ZFPM2: variants seen among roughly 807,000 people sequenced by gnomAD.
ZFPM2 encodes zinc finger protein, FOG family member 2, also known as zinc finger protein ZFPM2.
A neutral mutation model predicts 98.6 loss-of-function variants in ZFPM2; 20 were observed. That is an observed-to-expected ratio of 0.20 (90% confidence interval 0.14 to 0.29). ZFPM2 has a LOEUF of 0.29. Ranked by LOEUF, ZFPM2 falls within the 10% of genes least tolerant of loss-of-function variation. The pLI is 1.00. For missense variants in ZFPM2, 1,310 were observed against 1,388.6 expected (o/e 0.94, Z 0.90); for synonymous variants, 518 against 502.7 (o/e 1.03, Z -0.41).
chr8:105,435,685 A>G (rs974199322), intron 2 of ZFPM2, among the ~76,000 whole-genome samples: 3 of 152,198 alleles, frequency 2.0e-5, no homozygotes, highest in Admixed American at 2.0e-4. Context: ...ATGTTGGTCA[A>G]TAAAGTCAAT....
intron 1 of ZFPM2, among the ~76,000 whole-genome samples, chr8:105,357,591 A>C (rs1157038600): frequency 6.6e-6 from 1 of 152,208 alleles, no homozygotes; most frequent in Non-Finnish European, 1.5e-5. Flanking sequence ...TATATTTATA[A>C]CAAACTTTTT....
At chr8:105,630,306 A>T (rs1174558037) in intron 4 of ZFPM2, among the ~76,000 whole-genome samples, 1 of 152,080 alleles carries the variant, frequency 6.6e-6, no homozygotes, top group Non-Finnish European at 1.5e-5. Flanking sequence ...ATTTTTCTGG[A>T]GTGTAGATTT....
In ZFPM2 at chr8:105,528,671, G is replaced by A. The variant is rs1450147507; in HGVS notation, c.302-32692G>A. ...CAAGTATTCATGCAACATAGTTTGG[G>A]TAAATGGAATTCTAAAAGCATGAAA... On this transcript the variant is annotated intron_variant, in intron 3 of 7. Transcript: ENST00000407775. 2.0e-5 allele frequency among the ~76,000 whole-genome samples: 3 copies of A among 152,108 alleles called. No homozygotes were observed. In the East Asian group the frequency reaches 5.8e-4, roughly 29 times the overall value.
At chr8:105,412,265 T>C (rs1811591349) in intron 1 of ZFPM2, among the ~76,000 whole-genome samples, 1 of 151,818 alleles carries the variant, frequency 6.6e-6, no homozygotes, top group Non-Finnish European at 1.5e-5. Context: ...CCATTAAAAA[T>C]TCTCTAATAT....
chr8:105,352,872 C>A (rs924466957), intron 1 of ZFPM2, among the ~76,000 whole-genome samples: 10 of 152,040 alleles, frequency 6.6e-5, no homozygotes, highest in Non-Finnish European at 1.3e-4. Context: ...TACCAGCTAA[C>A]CTACCTACCT....
chr8:105,349,654 C>T (rs1033410502), intron 1 of ZFPM2, among the ~76,000 whole-genome samples: 44 of 152,074 alleles, frequency 2.9e-4, no homozygotes, highest in African/African-American at 9.9e-4. Flanking sequence ...TCATTGCATA[C>T]GTTGTGTAGC....
At chr8:105,676,657 G>C (rs1222000081) in intron 5 of ZFPM2, among the ~76,000 whole-genome samples, 1 of 151,724 alleles carries the variant, frequency 6.6e-6, no homozygotes, top group Non-Finnish European at 1.5e-5. Context: ...AAATATATAA[G>C]AGCAATATTT....
intron 3 of ZFPM2, among the ~76,000 whole-genome samples, chr8:105,495,612 T>G (rs1813451522): frequency 6.6e-6 from 1 of 152,216 alleles, no homozygotes; most frequent in Non-Finnish European, 1.5e-5. Flanking sequence ...ATTCTCTTCC[T>G]CCTTTTAAGG....
At chr8:105,762,411 C>T (rs779088198) in intron 5 of ZFPM2, among the ~76,000 whole-genome samples, 2 of 152,002 alleles carry the variant, frequency 1.3e-5, no homozygotes, top group African/African-American at 4.8e-5. Context: ...ATAAAGACAG[C>T]CACCAAGGGT....
chr8:105,506,157 C>A (rs755890903), intron 3 of ZFPM2, among the ~76,000 whole-genome samples: 2 of 152,052 alleles, frequency 1.3e-5, no homozygotes, highest in African/African-American at 2.4e-5. Flanking sequence ...TATTTTGGAG[C>A]AGCAAGCAGT....
intron 1 of ZFPM2, among the ~76,000 whole-genome samples, chr8:105,351,171 T>TG (rs1812635323): frequency 1.1e-4 from 12 of 112,244 alleles, no homozygotes; most frequent in South Asian, 6.0e-4. Context: ...AGACTCTGTC[T>TG]CAAAAAAAAA....
At chr8:105,425,324 A>C (rs1811886121) in intron 2 of ZFPM2, among the ~76,000 whole-genome samples, 1 of 152,210 alleles carries the variant, frequency 6.6e-6, no homozygotes, top group Non-Finnish European at 1.5e-5. Flanking sequence ...AAACTGAAAC[A>C]GGTAAAATGG....
At chr8:105,715,820 C>T (rs1811511075) in intron 5 of ZFPM2, among the ~76,000 whole-genome samples, 1 of 151,992 alleles carries the variant, frequency 6.6e-6, no homozygotes, top group South Asian at 2.1e-4. Flanking sequence ...ATTGTAGATT[C>T]TTGGACTTTG....
At chr8:105,569,354 T>C (rs575077654) in intron 4 of ZFPM2, among the ~76,000 whole-genome samples, 1 of 152,194 alleles carries the variant, frequency 6.6e-6, no homozygotes, top group Non-Finnish European at 1.5e-5. Flanking sequence ...CCCCTCCTTA[T>C]TCAAGACCCT....
intron 1 of ZFPM2, among the ~76,000 whole-genome samples, chr8:105,393,330 C>CTCTCTCTCTGTCTG (rs1554600660): frequency 7.5e-6 from 1 of 132,834 alleles, no homozygotes; most frequent in African/African-American, 3.1e-5. Context: ...CCCTCTCTCT[C>CTCTCTCTCTGTCTG]TCTTTGCCTT....
rs561669841 is a variant in ZFPM2, at chr8:105,771,130, A to G, written c.533-17588A>G. Among the ~76,000 whole-genome samples the G allele has an allele frequency of 3.3e-5, 5 of 152,284 alleles. No homozygotes were observed. The East Asian group carries it at 9.7e-4, about 29-fold the overall frequency. On this transcript the variant is annotated intron_variant, in intron 5 of 7. Coordinates refer to ENST00000407775, the MANE Select transcript of ZFPM2 (RefSeq NM_012082.4). ...TGTGAACTTTTTGATAATCTTTATG[A>G]CTGAATGTAAAATTATTCTCTGTCA...
chr8:105,520,734 T>C (rs533715306), intron 3 of ZFPM2, among the ~76,000 whole-genome samples: 2 of 152,100 alleles, frequency 1.3e-5, no homozygotes, highest in South Asian at 4.2e-4. Flanking sequence ...AAGCTTTTTT[T>C]GGAATAGGTG....
intron 5 of ZFPM2, among the ~76,000 whole-genome samples, chr8:105,715,141 A>G (rs971701091): frequency 6.6e-6 from 1 of 152,050 alleles, no homozygotes; most frequent in African/African-American, 2.4e-5. Context: ...GGCTCATGCC[A>G]GTAATCCCAT....
chr8:105,349,663 G>T (rs1312694280), intron 1 of ZFPM2, among the ~76,000 whole-genome samples: 1 of 152,146 alleles, frequency 6.6e-6, no homozygotes, highest in African/African-American at 2.4e-5. Flanking sequence ...ACGTTGTGTA[G>T]CTCCAGAGAT....
Sources: gnomAD v4.1 joint callset for allele counts (sites outside exome capture counted in the v4.1 genomes callset) on GRCh38, gnomAD v4.1.1 for gene constraint, MANE v1.5 for transcripts, NCBI Gene and HGNC (gene_info 2026-07-23, HGNC 2026-07-21) for gene names.